CDH5: variants seen among roughly 807,000 people sequenced by gnomAD.
The protein encoded by CDH5 is cadherin 5.
CDH5 carries 28 observed loss-of-function variants against 62.0 expected under a neutral mutation model. The ratio of observed to expected loss-of-function variants is 0.45; its 90% CI spans 0.33 to 0.62. The LOEUF (loss-of-function observed/expected upper bound fraction) is 0.62, where lower values mean the gene tolerates loss of function less well. Among genes scored for constraint, CDH5 ranks in the 20% least tolerant of loss-of-function variants. The pLI is 0.02. For synonymous variants in CDH5, 464 were observed against 445.8 expected, an observed-to-expected ratio of 1.04 and a Z score of -0.52; for missense variants, 940 against 1,065.1, an observed-to-expected ratio of 0.88 and a Z score of 1.63.
intron 7 of CDH5, 94 bp downstream of exon 7, chr16:66,392,477 C>T: frequency 6.7e-7 from 1 of 1,498,318 alleles, no homozygotes; most frequent in Non-Finnish European, 9.1e-7. Flanking sequence ...GAGAGGGGAA[C>T]TGGCTTCTCC....
chr16:66,380,492 C>T (rs111209765), intron 2 of CDH5, among the ~76,000 whole-genome samples: 2 of 122,396 alleles, frequency 1.6e-5, no homozygotes, highest in Non-Finnish European at 1.7e-5. Context: ...GTGGTGATCA[C>T]GATGATGGCG....
intron 7 of CDH5, among the ~76,000 whole-genome samples, chr16:66,395,018 CTTTTTTT>C (rs1174519256): frequency 1.5e-4 from 2 of 13,772 alleles, no homozygotes; most frequent in African/African-American, 2.2e-4. Context: ...CCAGGCTAAT[CTTTTTTT>C]TTTTTTTTTT....
chr16:66,386,085 G>A (rs1050331435), intron 2 of CDH5, among the ~76,000 whole-genome samples: 26 of 150,782 alleles, frequency 1.7e-4, no homozygotes, highest in African/African-American at 6.0e-4. Context: ...AACTTAGAGA[G>A]GTTAAGTGAC....
At position 66,395,032 on chromosome 16, in the gene CDH5, T is replaced by C. The variant is rs1454199899; in HGVS notation, c.1218-1027T>C. 4.9e-3 allele frequency among the ~76,000 whole-genome samples: 309 copies of C among 63,002 alleles called. 5 individuals are homozygous for C. Among genetic ancestry groups the C allele is most frequent in the Non-Finnish European group, 6.4e-3 (211 of 32,920 alleles). 41.3% of individuals were successfully genotyped at this position (63,002 alleles called of 152,430 possible). On this transcript the variant is annotated intron_variant, in intron 7 of 11. Coordinates refer to ENST00000341529, the MANE Select transcript of CDH5 (RefSeq NM_001795.5). Reference sequence around the variant, plus strand: ...ACCAGGCTAATCTTTTTTTTTTTTTTTTTTTTTTTTTTTTTTTTTTTTTTT... The same window carrying C: ...ACCAGGCTAATCTTTTTTTTTTTTTCTTTTTTTTTTTTTTTTTTTTTTTTT...
At chr16:66,380,702 T>A (rs62637759) in intron 2 of CDH5, among the ~76,000 whole-genome samples, 100,246 of 150,942 alleles carry the variant, frequency 0.66, 33,593 homozygotes, top group East Asian at 0.8. Context: ...GGTGGTGAGG[T>A]TGGGGAAGGA....
intron 1 of CDH5, among the ~76,000 whole-genome samples, chr16:66,375,341 C>T (rs1018732275): frequency 1.3e-5 from 2 of 151,854 alleles, no homozygotes; most frequent in Non-Finnish European, 1.5e-5. Context: ...CCAGCTTGGG[C>T]GATATAGTCA....
At chr16:66,375,036 G>A (rs1327726185) in intron 1 of CDH5, among the ~76,000 whole-genome samples, 2 of 152,058 alleles carry the variant, frequency 1.3e-5, no homozygotes, top group African/African-American at 4.8e-5. Context: ...TGATTTCGCT[G>A]TTGTGCAAAC....
intron 2 of CDH5, 49 bp from the exon 3 acceptor site, chr16:66,386,760 C>T (rs1054878689): frequency 1.3e-6 from 2 of 1,513,802 alleles, no homozygotes; most frequent in Non-Finnish European, 1.8e-6. Flanking sequence ...CACACTCACA[C>T]ACAGCCACTG....
chr16:66,403,047 T>A lies in CDH5; in HGVS notation c.2233T>A (p.Ser745Thr). The A allele has an allele frequency of 6.2e-7, 1 of 1,613,388 alleles. No individual in the cohort carries two copies. Among genetic ancestry groups the A allele is most frequent in the Non-Finnish European group, 8.5e-7 (1 of 1,179,798 alleles). The change falls in exon 12 of 12, where the codon TCC becomes ACC. Residue 745 changes from serine (S) to threonine (T), a missense_variant. Physicochemically the swap from Ser to Thr is moderately conservative, Grantham distance 58 (BLOSUM62 1). Transcript: ENST00000341529. The surrounding 1 kb of genome is among the most constrained non-coding windows in gnomAD (Gnocchi z 4.3). ...GSESIAESLSSLGTDSSDSDV... is the reference protein window; with the variant it reads ...GSESIAESLSTLGTDSSDSDV... ...CGAGTCCATAGCCGAGTCCCTCAGC[T>A]CCCTGGGCACCGACTCATCCGACTC...
At chr16:66,399,546 C>T (rs1961245416) in intron 10 of CDH5, among the ~76,000 whole-genome samples, 1 of 152,176 alleles carries the variant, frequency 6.6e-6, no homozygotes, top group Non-Finnish European at 1.5e-5. Context: ...CTTAAGGAGA[C>T]TCCTGTGGGA....
chr16:66,389,261 AG>A (rs1961038868), intron 4 of CDH5, 96 bp from the exon 5 acceptor site: 7 of 1,195,022 alleles, frequency 5.9e-6, no homozygotes, highest in Non-Finnish European at 8.3e-6. Context: ...TGGAATCACC[AG>A]GGAAGCTCTT....
intron 1 of CDH5, chr16:66,376,305 C>T (rs1477488071): frequency 6.6e-6 from 1 of 152,152 alleles, no homozygotes; most frequent in African/African-American, 2.4e-5. Flanking sequence ...TAGGGGACCA[C>T]ATTCATATGT....
In CDH5 at chr16:66,392,198, C is replaced by T. The variant is rs555849050; in HGVS notation, c.1032C>T (p.Ile344=). 2.9e-5 allele frequency: 47 copies of T among 1,614,148 alleles called. No homozygotes were observed. In the South Asian group the frequency reaches 4.8e-4, roughly 17 times the overall value. ...TCGTCGAGGCCACAGACCCCACCAT[C>T]GACCTCCGATACATGAGCCCTCCCG... is the stretch of plus-strand genomic sequence containing the variant. ...SFIVEATDPT[I]DLRYMSPPAG... Residue 344 remains isoleucine (I), a synonymous_variant, in exon 7 of 12, where the codon ATC becomes ATT. Coordinates refer to ENST00000341529, the MANE Select transcript of CDH5 (RefSeq NM_001795.5).
chr16:66,383,936 T>C (rs1442433260), intron 2 of CDH5, among the ~76,000 whole-genome samples: 3 of 152,026 alleles, frequency 2.0e-5, no homozygotes, highest in Admixed American at 6.5e-5. Context: ...GTCAGTGCCC[T>C]CACTGAGGGC....
At chr16:66,398,332 G>A (rs1363330065) in intron 9 of CDH5, 124 bp from the exon 10 acceptor site, 1 of 793,894 alleles carries the variant, frequency 1.3e-6, no homozygotes, top group African/African-American at 1.7e-5. Flanking sequence ...AACTAAATAG[G>A]TGAGTGTTGC....
At position 66,402,856 on chromosome 16, in the gene CDH5, G is replaced by A. The variant is rs1424162760; in HGVS notation, c.2042G>A (p.Arg681Gln). ...AKPPRPALDARPSLYAQVQKP... is the reference protein window; with the variant it reads ...AKPPRPALDAQPSLYAQVQKP... ...CCCCCGCGGCCCGCGCTGGACGCCCGGCCTTCCCTCTATGCGCAGGTGCAG... is the reference window on the plus strand; with the variant it reads ...CCCCCGCGGCCCGCGCTGGACGCCCAGCCTTCCCTCTATGCGCAGGTGCAG... The change falls in exon 12 of 12, where the codon CGG (arginine) becomes CAG (glutamine). Residue 681 changes from arginine (R) to glutamine (Q), a missense_variant. Coordinates refer to ENST00000341529, the MANE Select transcript of CDH5 (RefSeq NM_001795.5). The A allele has an allele frequency of 2.5e-6, 4 of 1,603,836 alleles. No homozygotes were observed. The highest frequency in any genetic ancestry group is 2.2e-5 in the East Asian group (1 of 44,464).
chr16:66,384,668 A>AAAG (rs1567463372), intron 2 of CDH5, among the ~76,000 whole-genome samples: 1 of 149,866 alleles, frequency 6.7e-6, no homozygotes, highest in African/African-American at 2.5e-5. Flanking sequence ...TCTCAAAAAA[A>AAAG]AAAAAAAAAA....
In CDH5 at chr16:66,367,586, G is replaced by A. The variant is rs1960610368; in HGVS notation, c.-20+828G>A. Among the ~76,000 whole-genome samples, 3 of 152,256 alleles carry A rather than the reference G, an allele frequency of 2.0e-5. No homozygotes were observed. The South Asian group carries it at 6.2e-4, about 31-fold the overall frequency. On this transcript the variant is annotated intron_variant, in intron 1 of 11. Coordinates refer to ENST00000341529, the MANE Select transcript of CDH5 (RefSeq NM_001795.5). ...TCCCAGCTCTCCCATTTGCTCTGGG[G>A]TGACCTTGGGAAAGTTACCCAGAGT...
intron 2 of CDH5, among the ~76,000 whole-genome samples, chr16:66,380,446 A>G (rs551628207): frequency 6.9e-6 from 1 of 145,488 alleles, no homozygotes; most frequent in East Asian, 2.2e-4. Flanking sequence ...GATGGTGATG[A>G]TGGTGATGAT....
Sources: gnomAD v4.1 joint callset for allele counts (sites outside exome capture counted in the v4.1 genomes callset) on GRCh38, gnomAD v4.1.1 for gene constraint, Gnocchi (gnomAD v3.1) non-coding constraint, MANE v1.5 for transcripts, NCBI Gene and HGNC (gene_info 2026-07-23, HGNC 2026-07-21) for gene names.